The following MFSD6 variants were observed in gnomAD, a reference collection of about 807,000 sequenced individuals.
MFSD6 encodes major facilitator superfamily domain-containing protein 6.
In MFSD6, 26 loss-of-function variants were observed where a neutral mutation model predicts 56.3. The observed-to-expected ratio is 0.46, with a 90% CI of 0.34 to 0.64. The LOEUF is 0.64. Ranked by LOEUF, MFSD6 falls within the 30% of genes least tolerant of loss-of-function variation. The pLI, the probability that MFSD6 is intolerant of heterozygous loss-of-function variation, is 0.01. For missense variants in MFSD6, 750 were observed against 986.2 expected (o/e 0.76, Z 3.21); for synonymous variants, 331 against 366.9 (o/e 0.90, Z 1.12).
chr2:190,447,211 T>G lies in MFSD6; in HGVS notation c.1532+9650T>G, dbSNP rs528869649. 2.2e-4 allele frequency among the ~76,000 whole-genome samples: 33 copies of G among 152,302 alleles called. No individual in the cohort carries two copies. The highest frequency in any genetic ancestry group is 7.9e-4 in the African/African-American group (33 of 41,560). On this transcript the variant is annotated intron_variant, in intron 3 of 7. Coordinates refer to ENST00000392328, the MANE Select transcript of MFSD6 (RefSeq NM_017694.4). This position sits in a 1 kb window ranked among gnomAD's most constrained non-coding sequence, Gnocchi z 4.5. ...ATTAGAGAATGGAGCTAATTAGAGC[T>G]TTTCTAATCAGAGAACACAAAGTTA...
chr2:190,444,957 A>T, intron 3 of MFSD6: 1 of 613,216 alleles, frequency 1.6e-6, no homozygotes, highest in African/African-American at 2.0e-5. Context: ...CATACTGGGT[A>T]ACAAATTTAG....
Position 190,458,595 on chromosome 2 carries a change from C to T in MFSD6, c.1533-11163C>T, listed in dbSNP as rs920918834. Among the ~76,000 whole-genome samples, 2 of 152,172 alleles carry T rather than the reference C, an allele frequency of 1.3e-5. No homozygotes were observed. The highest frequency in any genetic ancestry group is 4.8e-5 in the African/African-American group (2 of 41,442). ...TAGCTTCACCCCAGTTTTAGATTCC[C>T]TTCCCCCCGAGTGCTTGACAGATGG... On this transcript the variant is annotated intron_variant, in intron 3 of 7. Coordinates refer to ENST00000392328, the MANE Select transcript of MFSD6 (RefSeq NM_017694.4). The surrounding 1 kb of genome is among the most constrained non-coding windows in gnomAD (Gnocchi z 5.3).
In MFSD6 at chr2:190,418,601, GA is replaced by G. The variant is rs1690887598; in HGVS notation, c.-54+3192del. Among the ~76,000 whole-genome samples the G allele has an allele frequency of 6.6e-6, 1 of 152,078 alleles. No homozygotes were observed. Among genetic ancestry groups the G allele is most frequent in the Admixed American group, 6.5e-5 (1 of 15,272 alleles). On this transcript the variant is annotated intron_variant, in intron 2 of 7. Transcript: ENST00000392328. This position sits in a 1 kb window ranked among gnomAD's most constrained non-coding sequence, Gnocchi z 4.1. ...TGAGACCCTGTCTCTGCAAACAACT[GA>G]AAAGAATAGCTGAAAGTGGTGGTGT...
At chr2:190,478,962 G>A (rs1688504689) in intron 4 of MFSD6, among the ~76,000 whole-genome samples, 1 of 152,168 alleles carries the variant, frequency 6.6e-6, no homozygotes. Flanking sequence ...CAAAAGATGT[G>A]CCTCATTCTA....
chr2:190,427,902 T>G (rs1273184976), intron 2 of MFSD6, among the ~76,000 whole-genome samples: 1 of 152,188 alleles, frequency 6.6e-6, no homozygotes, highest in Non-Finnish European at 1.5e-5. Flanking sequence ...CAGCTAATTT[T>G]TGTATTTTTA....
chr2:190,473,074 C>A (rs1420093480), intron 4 of MFSD6, among the ~76,000 whole-genome samples: 8 of 152,166 alleles, frequency 5.3e-5, no homozygotes, highest in Admixed American at 5.2e-4. Context: ...CCTAAAAGAG[C>A]TCCTGAAGGA....
intron 2 of MFSD6, among the ~76,000 whole-genome samples, chr2:190,421,702 T>A (rs999170342): frequency 6.6e-6 from 1 of 151,786 alleles, no homozygotes; most frequent in African/African-American, 2.4e-5. Context: ...ACTGTAAGCA[T>A]GTACCACCAT....
intron 2 of MFSD6, among the ~76,000 whole-genome samples, chr2:190,422,388 T>C (rs183484470): frequency 6.6e-6 from 1 of 152,196 alleles, no homozygotes; most frequent in African/African-American, 2.4e-5. Context: ...TCTTATTTCC[T>C]GTATCCCTTG....
chr2:190,419,105 CAT>C (rs946271272), intron 2 of MFSD6, among the ~76,000 whole-genome samples: 27 of 152,116 alleles, frequency 1.8e-4, no homozygotes, highest in African/African-American at 6.3e-4. Context: ...TTTTTCATGA[CAT>C]TGGCTAAATG....
At chr2:190,432,838 ACACT>A (rs1686053149) in intron 2 of MFSD6, among the ~76,000 whole-genome samples, 1 of 128,180 alleles carries the variant, frequency 7.8e-6, no homozygotes. Flanking sequence ...CAACACACAC[ACACT>A]CTCTCTCTCT....
rs1687900684 is a variant in MFSD6, at chr2:190,471,162, A to G, written c.1630+1307A>G. ...GCTCCAGTCTACAGGTCTCAGCGTA[A>G]GTGACACAGAAGACTACTGATTTCT... On this transcript the variant is annotated intron_variant, in intron 4 of 7. Coordinates refer to ENST00000392328, the MANE Select transcript of MFSD6 (RefSeq NM_017694.4). This position sits in a 1 kb window ranked among gnomAD's most constrained non-coding sequence, Gnocchi z 4.7. Among the ~76,000 whole-genome samples, 1 of 152,198 alleles carries G rather than the reference A, an allele frequency of 6.6e-6. No homozygotes were observed. The highest frequency in any genetic ancestry group is 6.5e-5 in the Admixed American group (1 of 15,278).
rs764825480 is a variant in MFSD6, at chr2:190,488,418, TTTG to T, written c.1631-234_1631-232del. Among the ~76,000 whole-genome samples, 19 of 152,178 alleles carry T rather than the reference TTTG, an allele frequency of 1.2e-4. No individual in the cohort carries two copies. Among genetic ancestry groups the T allele is most frequent in the Non-Finnish European group, 1.8e-4 (12 of 68,034 alleles). The stretch of plus-strand genomic sequence containing the variant: ...GTTATGGTTTAAGGGGTACAGAATT[TTTG>T]TTGTGGTGGTGAAAAAGTTCTGGAG... On this transcript the variant is annotated intron_variant, in intron 4 of 7. Coordinates refer to ENST00000392328, the MANE Select transcript of MFSD6 (RefSeq NM_017694.4). This position sits in a 1 kb window ranked among gnomAD's most constrained non-coding sequence, Gnocchi z 6.4.
rs948263152 is a variant in MFSD6, at chr2:190,463,054, C to CA, written c.1533-6697dup. ...GATGCAGGAGATGCCATGGAGAGGA[C>CA]AAAAAAAGGGGAGAGAAGACAAGAG... On this transcript the variant is annotated intron_variant, in intron 3 of 7. Transcript: ENST00000392328. This position sits in a 1 kb window ranked among gnomAD's most constrained non-coding sequence, Gnocchi z 4.4. 4.6e-5 allele frequency among the ~76,000 whole-genome samples: 7 copies of CA among 151,230 alleles called. No individual in the cohort carries two copies. The highest frequency in any genetic ancestry group is 9.7e-5 in the African/African-American group (4 of 41,160).
At chr2:190,470,952 T>C (rs1687887062) in intron 4 of MFSD6, among the ~76,000 whole-genome samples, 1 of 152,096 alleles carries the variant, frequency 6.6e-6, no homozygotes. Context: ...GATGCAATGG[T>C]GTAGCTAGTA....
intron 6 of MFSD6, among the ~76,000 whole-genome samples, chr2:190,493,074 A>C (rs540040928): frequency 1.3e-5 from 2 of 152,264 alleles, no homozygotes; most frequent in East Asian, 1.9e-4. Flanking sequence ...CTCCACTTAA[A>C]AGATACAGAA....
intron 4 of MFSD6, among the ~76,000 whole-genome samples, chr2:190,473,668 C>T (rs1688094603): frequency 1.3e-5 from 2 of 152,184 alleles, no homozygotes; most frequent in Non-Finnish European, 2.9e-5. Flanking sequence ...ATCAACGAGA[C>T]AGAAAGTCAG....
rs1689996351 is a variant in MFSD6 at position 190,500,990 on chromosome 2, A to C, written c.*772A>C. ...TTTCAAATCAACCAACCAACTCAGT[A>C]TCCTGTGTTTTGATAGACAAGAGTT... On this transcript the variant is annotated 3_prime_UTR_variant, in exon 8 of 8. Transcript: ENST00000392328. The surrounding 1 kb of genome is among the most constrained non-coding windows in gnomAD (Gnocchi z 5.3). 1.3e-5 allele frequency: 2 copies of C among 152,230 alleles called. No homozygotes were observed. Among genetic ancestry groups the C allele is most frequent in the South Asian group, 4.1e-4 (2 of 4,836 alleles). The allele number at this position is 152,230 out of a possible 1,614,324, so 9.4% of individuals were successfully genotyped here.
chr2:190,411,158 GTAGTT>G lies in MFSD6; in HGVS notation c.-176+2657_-176+2661del, dbSNP rs1281308203. The G allele has an allele frequency of 2.7e-3, 2,420 of 911,904 alleles. 4 individuals are homozygous for G. Among genetic ancestry groups the G allele is most frequent in the Middle Eastern group, 4.0e-3 (7 of 1,772 alleles). The allele number at this position is 911,904 out of a possible 1,614,324, so 56.5% of individuals were successfully genotyped here. A position where few individuals can be genotyped will look rare whatever the true frequency, so the allele number is the denominator to read the frequency against. On this transcript the variant is annotated intron_variant, in intron 1 of 7. Coordinates refer to ENST00000392328, the MANE Select transcript of MFSD6 (RefSeq NM_017694.4). ...CCTTTTTGTCCCCAAACTGTTGACAGTAGTTTTTTTTTTTTTTTTTCAGACAGAGT... is the reference window on the plus strand; with the variant it reads ...CCTTTTTGTCCCCAAACTGTTGACAGTTTTTTTTTTTTTTTCAGACAGAGT...
chr2:190,446,555 T>C (rs546243912), intron 3 of MFSD6, among the ~76,000 whole-genome samples: 45 of 152,320 alleles, frequency 3.0e-4, no homozygotes, highest in African/African-American at 9.9e-4. Flanking sequence ...AAAAAAATTA[T>C]CTGGCAGTGT....
Sources: gnomAD v4.1 joint callset for allele counts (sites outside exome capture counted in the v4.1 genomes callset) on GRCh38, gnomAD v4.1.1 for gene constraint, Gnocchi (gnomAD v3.1) non-coding constraint, MANE v1.5 for transcripts, NCBI Gene and HGNC (gene_info 2026-07-23, HGNC 2026-07-21) for gene names.